Variants in CSMD1 observed in about 807,000 individuals in gnomAD.
CSMD1 encodes the protein CUB and Sushi multiple domains 1, also known as CUB and sushi domain-containing protein 1.
Under a neutral mutation model 417.5 loss-of-function variants are expected in CSMD1, and 213 were observed. That is an observed-to-expected ratio of 0.51 (90% confidence interval 0.46 to 0.57). CSMD1 has a LOEUF of 0.57. Ranked by LOEUF, CSMD1 falls within the 20% of genes least tolerant of loss-of-function variation. CSMD1 has a pLI of 0.00. For synonymous variants in CSMD1, 2,862 were observed against 1,736.8 expected, an observed-to-expected ratio of 1.65 and a Z score of -16.11; for missense variants, 6,923 against 4,529.7, an observed-to-expected ratio of 1.53 and a Z score of -15.17.
chr8:3,812,537 T>G (rs915959645), intron 5 of CSMD1, among the ~76,000 whole-genome samples: 3 of 152,178 alleles, frequency 2.0e-5, no homozygotes, highest in Non-Finnish European at 4.4e-5. Context: ...GTTCAAAAGC[T>G]AAGCTGAAAT....
intron 3 of CSMD1, among the ~76,000 whole-genome samples, chr8:4,071,137 A>C (rs1158135476): frequency 6.6e-6 from 1 of 151,386 alleles, no homozygotes; most frequent in African/African-American, 2.4e-5. Context: ...TTTTTTTCCA[A>C]ATTTGGAGAA....
chr8:4,576,099 C>T (rs1799123385), intron 2 of CSMD1, among the ~76,000 whole-genome samples: 1 of 152,226 alleles, frequency 6.6e-6, no homozygotes, highest in South Asian at 2.1e-4. Flanking sequence ...ATTGACCATT[C>T]AACCTCCTCT....
chr8:3,604,780 T>C (rs73491440), intron 8 of CSMD1, among the ~76,000 whole-genome samples: 1,594 of 152,226 alleles, frequency 0.01, 36 homozygotes, highest in African/African-American at 0.037. Flanking sequence ...TGCAGTTTTA[T>C]TGCTTGTGGT....
chr8:3,372,703 G>A (rs1002701302), intron 18 of CSMD1, among the ~76,000 whole-genome samples: 33 of 152,162 alleles, frequency 2.2e-4, no homozygotes, highest in Non-Finnish European at 4.1e-4. Context: ...CAGGCGTTCA[G>A]CTTTGGATAC....
At chr8:3,596,187 A>AGCTCCAGCAGCCTGCACCACC (rs1394470685) in intron 8 of CSMD1, among the ~76,000 whole-genome samples, 2 of 152,252 alleles carry the variant, frequency 1.3e-5, no homozygotes, top group East Asian at 3.9e-4. Flanking sequence ...AAGGAAGCAG[A>AGCTCCAGCAGCCTGCACCACC]GCTCCAGCAG....
chr8:4,669,324 G>A (rs1805146461), intron 1 of CSMD1, among the ~76,000 whole-genome samples: 1 of 152,142 alleles, frequency 6.6e-6, no homozygotes, highest in African/African-American at 2.4e-5. Flanking sequence ...GCTCTACCCA[G>A]AAGGTACACT....
intron 2 of CSMD1, among the ~76,000 whole-genome samples, chr8:4,435,049 A>G (rs1214379312): frequency 1.3e-5 from 2 of 152,200 alleles, no homozygotes; most frequent in African/African-American, 2.4e-5. Context: ...AATGTCTAAT[A>G]TAGTTTGTGT....
intron 3 of CSMD1, among the ~76,000 whole-genome samples, chr8:4,050,591 T>C (rs73658552): frequency 1.9e-3 from 294 of 152,246 alleles, no homozygotes; most frequent in African/African-American, 6.3e-3. Flanking sequence ...TTTCAAAATA[T>C]ACAATTAAAT....
intron 12 of CSMD1, among the ~76,000 whole-genome samples, chr8:3,420,347 C>T (rs1813407351): frequency 6.6e-6 from 1 of 150,740 alleles, no homozygotes; most frequent in South Asian, 2.1e-4. Flanking sequence ...AGTAACAATT[C>T]AGAGGGACCA....
chr8:4,253,408 A>G (rs927804553), intron 3 of CSMD1, among the ~76,000 whole-genome samples: 1 of 150,230 alleles, frequency 6.7e-6, no homozygotes, highest in Non-Finnish European at 1.5e-5. Context: ...TCAAATTTAT[A>G]TATTTTTTTC....
intron 3 of CSMD1, among the ~76,000 whole-genome samples, chr8:4,097,768 A>G (rs1185160020): frequency 6.6e-6 from 1 of 152,224 alleles, no homozygotes; most frequent in Non-Finnish European, 1.5e-5. Flanking sequence ...ATTCTGGGTA[A>G]GTACGAACAT....
chr8:3,476,204 C>G (rs1193135712), intron 11 of CSMD1, among the ~76,000 whole-genome samples: 2 of 152,164 alleles, frequency 1.3e-5, no homozygotes, highest in Non-Finnish European at 2.9e-5. Flanking sequence ...AAAAACAAAA[C>G]AAGAGATGGA....
At position 4,209,180 on chromosome 8, in the gene CSMD1, A is replaced by G. The variant is rs544563755; in HGVS notation, c.416-177081T>C. 2.7e-4 allele frequency among the ~76,000 whole-genome samples: 41 copies of G among 152,166 alleles called. 1 individual carries two copies. The highest frequency in any genetic ancestry group is 4.1e-4 in the Non-Finnish European group (28 of 68,038). ...CCCTAGAGCCCAAGGTTCTTTCCAG[A>G]TGTAGGTGGCTTTATCGCTCACCTT... On this transcript the variant is annotated intron_variant, in intron 3 of 69. Coordinates refer to ENST00000635120, the MANE Select transcript of CSMD1 (RefSeq NM_033225.6).
chr8:4,082,049 G>T (rs185455031), intron 3 of CSMD1, among the ~76,000 whole-genome samples: 1 of 151,954 alleles, frequency 6.6e-6, no homozygotes, highest in African/African-American at 2.4e-5. Flanking sequence ...AAAGCCAAAG[G>T]CATTTTAGGG....
chr8:4,979,685 T>C (rs1810767527), intron 1 of CSMD1, among the ~76,000 whole-genome samples: 1 of 152,238 alleles, frequency 6.6e-6, no homozygotes, highest in Admixed American at 6.5e-5. Flanking sequence ...GTTTAGTTCT[T>C]CAGAATTAAA....
intron 3 of CSMD1, among the ~76,000 whole-genome samples, chr8:4,259,163 A>C (rs1053014042): frequency 6.6e-6 from 1 of 152,184 alleles, no homozygotes; most frequent in Admixed American, 6.5e-5. Context: ...CTCACACACG[A>C]AGCTAAGGGC....
At position 3,379,313 on chromosome 8, in the gene CSMD1, C is replaced by A. The variant is rs551146713; in HGVS notation, c.2782+8181G>T. Reference sequence around the variant, plus strand: ...GGAAAAATGAATATTGTGAAAATGGCAATACTGTCCAAAGTAATTTATAGA... The same window carrying A: ...GGAAAAATGAATATTGTGAAAATGGAAATACTGTCCAAAGTAATTTATAGA... On this transcript the variant is annotated intron_variant, in intron 18 of 69. Coordinates refer to ENST00000635120, the MANE Select transcript of CSMD1 (RefSeq NM_033225.6). 6.0e-4 allele frequency among the ~76,000 whole-genome samples: 91 copies of A among 152,240 alleles called. 1 individual carries two copies. Among genetic ancestry groups the A allele is most frequent in the Admixed American group, 6.5e-5 (1 of 15,292 alleles).
intron 3 of CSMD1, among the ~76,000 whole-genome samples, chr8:4,070,005 A>C (rs962124358): frequency 6.6e-6 from 1 of 151,828 alleles, no homozygotes; most frequent in East Asian, 1.9e-4. Flanking sequence ...TAGAATGTTC[A>C]ATGTTCTTAA....
chr8:4,462,138 G>C (rs1179874501), intron 2 of CSMD1, among the ~76,000 whole-genome samples: 1 of 151,966 alleles, frequency 6.6e-6, no homozygotes, highest in Non-Finnish European at 1.5e-5. Flanking sequence ...GCCTCTCAAA[G>C]TGCTGGGATT....
Sources: allele counts gnomAD v4.1 joint callset (sites outside exome capture counted in the v4.1 genomes callset), GRCh38; gene constraint gnomAD v4.1.1; transcripts MANE v1.5; gene names NCBI Gene and HGNC (gene_info 2026-07-23, HGNC 2026-07-21).